SBSPON: variants seen among roughly 807,000 people sequenced by gnomAD.
The protein encoded by SBSPON is somatomedin-B and thrombospondin type-1 domain-containing protein.
A neutral mutation model predicts 35.8 loss-of-function variants in SBSPON; 30 were observed. That is an observed-to-expected ratio of 0.84 (90% confidence interval 0.63 to 1.14). The LOEUF is 1.14. SBSPON is among the 50% of genes most tolerant of loss of function. The pLI, the probability that SBSPON is intolerant of heterozygous loss-of-function variation, is 0.00. For synonymous variants in SBSPON, 136 were observed against 135.9 expected (o/e 1.00, Z 0.00); for missense variants, 364 against 357.7 (o/e 1.02, Z -0.14).
At chr8:73,092,819 A>G (rs1810960767) in intron 1 of SBSPON, 35 bp downstream of exon 1, 1 of 1,559,562 alleles carries the variant, frequency 6.4e-7, no homozygotes, top group Non-Finnish European at 8.8e-7. Flanking sequence ...TTGCAGGCTA[A>G]CGGCCGGCGC....
chr8:73,079,942 G>A (rs544147113), intron 2 of SBSPON, among the ~76,000 whole-genome samples: 2 of 152,302 alleles, frequency 1.3e-5, no homozygotes, highest in South Asian at 4.1e-4. Flanking sequence ...AAAATGGCTT[G>A]ACAAGGATTG....
intron 2 of SBSPON, among the ~76,000 whole-genome samples, chr8:73,079,688 C>T (rs1042042028): frequency 1.1e-4 from 16 of 152,118 alleles, no homozygotes; most frequent in African/African-American, 3.1e-4. Flanking sequence ...TGATTACACC[C>T]GCTGAGAGCT....
chr8:73,070,907 G>A (rs1810483034), intron 3 of SBSPON, among the ~76,000 whole-genome samples: 2 of 152,172 alleles, frequency 1.3e-5, no homozygotes, highest in Non-Finnish European at 2.9e-5. Context: ...AGAATGATAG[G>A]TACAGCTAAT....
chr8:73,081,872 G>A (rs893303143), intron 1 of SBSPON, among the ~76,000 whole-genome samples: 2 of 152,194 alleles, frequency 1.3e-5, no homozygotes, highest in Admixed American at 1.3e-4. Context: ...AGGGCCCAGA[G>A]AGATAAAGAG....
chr8:73,067,346 T>C lies in SBSPON; in HGVS notation c.790A>G (p.Ile264Val). The C allele has an allele frequency of 6.5e-7, 1 of 1,541,130 alleles. No homozygotes were observed. Among genetic ancestry groups the C allele is most frequent in the Non-Finnish European group, 9.0e-7 (1 of 1,114,174 alleles). ...SCPAVHSFIF[I>V] ...GGAAATATTTATATCACCATCTATA[T>C]AAAAATAAAACTGTGAACAGCTGGA... is the stretch of plus-strand genomic sequence containing the variant. Residue 264 changes from isoleucine to valine, a missense_variant, in exon 5 of 5, where the codon ATA (isoleucine) becomes GTA (valine). Physicochemically the swap from Ile to Val is conservative, Grantham distance 29. Coordinates refer to ENST00000297354, the MANE Select transcript of SBSPON (RefSeq NM_153225.4).
chr8:73,079,411 A>G (rs1810652920), intron 2 of SBSPON, among the ~76,000 whole-genome samples: 1 of 152,066 alleles, frequency 6.6e-6, no homozygotes, highest in South Asian at 2.1e-4. Flanking sequence ...GCCCTGTCCA[A>G]GCACAGCCCA....
At chr8:73,079,430 C>T (rs1479590254) in intron 2 of SBSPON, among the ~76,000 whole-genome samples, 3 of 152,126 alleles carry the variant, frequency 2.0e-5, no homozygotes, top group South Asian at 2.1e-4. Context: ...CAGTAAACTT[C>T]GCTGTGCTAC....
chr8:73,092,644 G>T (rs147505728), intron 1 of SBSPON, among the ~76,000 whole-genome samples: 2 of 152,232 alleles, frequency 1.3e-5, no homozygotes, highest in East Asian at 3.9e-4. Flanking sequence ...TCTTGGGGGT[G>T]GGGGGACACT....
At chr8:73,078,938 G>C (rs1461465906) in intron 2 of SBSPON, among the ~76,000 whole-genome samples, 1 of 152,076 alleles carries the variant, frequency 6.6e-6, no homozygotes, top group African/African-American at 2.4e-5. Context: ...GGTGTTCTCT[G>C]TGCGCCCCAC....
intron 2 of SBSPON, chr8:73,075,745 T>A (rs916188984): frequency 1.1e-6 from 1 of 938,698 alleles, no homozygotes; most frequent in Non-Finnish European, 1.3e-6. Context: ...ATCACTGGTC[T>A]ATAGTACAGA....
intron 1 of SBSPON, among the ~76,000 whole-genome samples, chr8:73,082,056 G>C (rs1428346990): frequency 4.6e-5 from 7 of 152,108 alleles, no homozygotes; most frequent in Admixed American, 2.0e-4. Context: ...ATACATACTG[G>C]GATTCCCCTG....
At chr8:73,079,061 A>T (rs1810647488) in intron 2 of SBSPON, among the ~76,000 whole-genome samples, 1 of 152,146 alleles carries the variant, frequency 6.6e-6, no homozygotes, top group Non-Finnish European at 1.5e-5. Flanking sequence ...GCTCACAAAC[A>T]TGCTGGCACA....
intron 1 of SBSPON, among the ~76,000 whole-genome samples, chr8:73,084,363 G>A (rs988548249): frequency 6.6e-6 from 1 of 152,188 alleles, no homozygotes; most frequent in Non-Finnish European, 1.5e-5. Flanking sequence ...TACTTTAAAA[G>A]ATGTATCACT....
At chr8:73,075,044 T>A (rs994793997) in intron 2 of SBSPON, among the ~76,000 whole-genome samples, 1 of 152,232 alleles carries the variant, frequency 6.6e-6, no homozygotes, top group Non-Finnish European at 1.5e-5. Context: ...ATTTTTGTTT[T>A]CCATTTTCTG....
At chr8:73,083,249 C>A (rs1231792980) in intron 1 of SBSPON, among the ~76,000 whole-genome samples, 1 of 152,086 alleles carries the variant, frequency 6.6e-6, no homozygotes, top group African/African-American at 2.4e-5. Flanking sequence ...TTTTCCAATC[C>A]ATGATTTTAA....
At chr8:73,085,890 C>A (rs1810814978) in intron 1 of SBSPON, 1 of 152,148 alleles carries the variant, frequency 6.6e-6, no homozygotes, top group African/African-American at 2.4e-5. Context: ...AAGCACTCTC[C>A]TTTGTAATCT....
At chr8:73,090,652 C>T (rs999603971) in intron 1 of SBSPON, among the ~76,000 whole-genome samples, 1 of 152,256 alleles carries the variant, frequency 6.6e-6, no homozygotes, top group African/African-American at 2.4e-5. Flanking sequence ...TTTCTCAACA[C>T]GGAGCTTTTC....
chr8:73,067,794 G>T (rs866235459), intron 4 of SBSPON, among the ~76,000 whole-genome samples: 3 of 146,916 alleles, frequency 2.0e-5, no homozygotes, highest in African/African-American at 7.6e-5. Flanking sequence ...CTCCTGCCTC[G>T]GCCTCCTGGC....
At chr8:73,092,684 T>G (rs1436436475) in intron 1 of SBSPON, among the ~76,000 whole-genome samples, 170 bp downstream of exon 1, 1 of 151,854 alleles carries the variant, frequency 6.6e-6, no homozygotes, top group Non-Finnish European at 1.5e-5. Context: ...TGGGAGACCC[T>G]AGGATGAACG....
Sources: gnomAD v4.1 joint callset for allele counts (sites outside exome capture counted in the v4.1 genomes callset) on GRCh38, gnomAD v4.1.1 for gene constraint, MANE v1.5 for transcripts, NCBI Gene and HGNC (gene_info 2026-07-23, HGNC 2026-07-21) for gene names.